ABCG1: variants seen among roughly 807,000 people sequenced by gnomAD.
ABCG1 encodes ATP-binding cassette sub-family G member 1.
In ABCG1, 29 loss-of-function variants were observed where a neutral mutation model predicts 69.2. That is an observed-to-expected ratio of 0.42 (90% CI 0.31 to 0.57). The LOEUF (loss-of-function observed/expected upper bound fraction) is 0.57, where lower values mean the gene tolerates loss of function less well. Among genes scored for constraint, ABCG1 ranks in the 20% least tolerant of loss-of-function variants. ABCG1 has a pLI of 0.15. For missense variants in ABCG1, 718 were observed against 898.1 expected (o/e 0.80, Z 2.56); for synonymous variants, 370 against 374.8 (o/e 0.99, Z 0.15).
intron 1 of ABCG1, 65 bp from the exon 2 acceptor site, chr21:42,225,606 C>A: frequency 6.3e-7 from 1 of 1,577,434 alleles, no homozygotes; most frequent in Non-Finnish European, 8.6e-7. Context: ...CATGGTGAAT[C>A]TCTTCATGTT....
rs2069071425 is a variant in ABCG1 at position 42,291,982 on chromosome 21, A to G, written c.1653+326A>G. Among the ~76,000 whole-genome samples the G allele has an allele frequency of 6.6e-6, 1 of 152,148 alleles. No homozygotes were observed. Among genetic ancestry groups the G allele is most frequent in the Admixed American group, 6.5e-5 (1 of 15,288 alleles). ...TTTACATAGGGGAGCACTGAGGCCC[A>G]GAGAGGCAAAGTGATTTGTCAGGGG... On this transcript the variant is annotated intron_variant, in intron 13 of 14. Coordinates refer to ENST00000398449, the MANE Select transcript of ABCG1 (RefSeq NM_016818.3). This position sits in a 1 kb window ranked among gnomAD's most constrained non-coding sequence, Gnocchi z 6.4.
Position 42,290,161 on chromosome 21 carries a change from CTCT to C in ABCG1, c.1343_1345del (p.Phe448del), listed in dbSNP as rs2069028874. On this transcript the variant is annotated inframe_deletion, in exon 11 of 15. Coordinates refer to ENST00000398449, the MANE Select transcript of ABCG1 (RefSeq NM_016818.3). ...GAAGGTCTTGAGCAACTCCGGCTTC[CTCT>C]TCTTCTCCATGCTGTTCCTCATGTT... 17 of 1,614,182 alleles carry C rather than the reference CTCT, an allele frequency of 1.1e-5. No individual in the cohort carries two copies. The highest frequency in any genetic ancestry group is 1.4e-5 in the Non-Finnish European group (17 of 1,180,044).
intron 13 of ABCG1, among the ~76,000 whole-genome samples, chr21:42,293,023 C>CCACACTA (rs761130567): frequency 7.6e-6 from 1 of 131,938 alleles, no homozygotes; most frequent in Non-Finnish European, 1.6e-5. Flanking sequence ...TACACACACA[C>CCACACTA]CACACTACAC....
In ABCG1 at chr21:42,276,002, C is replaced by G. The variant is rs1011819425; in HGVS notation, c.538-893C>G. Reference sequence around the variant, plus strand: ...ACCTCTTTGCCCCACACCCCGCCCCCCTCCCCGCCACCGCCCTGCATCTCA... The same window carrying G: ...ACCTCTTTGCCCCACACCCCGCCCCGCTCCCCGCCACCGCCCTGCATCTCA... On this transcript the variant is annotated intron_variant, in intron 4 of 14. Transcript: ENST00000398449. This position sits in a 1 kb window ranked among gnomAD's most constrained non-coding sequence, Gnocchi z 5.3. 6.9e-6 allele frequency among the ~76,000 whole-genome samples: 1 copy of G among 144,642 alleles called. No individual in the cohort carries two copies. Among genetic ancestry groups the G allele is most frequent in the African/African-American group, 2.5e-5 (1 of 39,908 alleles). 94.9% of individuals were successfully genotyped at this position (144,642 alleles called of 152,430 possible). A position where few individuals can be genotyped will look rare whatever the true frequency, so the allele number is the denominator to read the frequency against.
chr21:42,275,730 G>A (rs760211190), intron 4 of ABCG1, among the ~76,000 whole-genome samples: 2 of 152,292 alleles, frequency 1.3e-5, no homozygotes, highest in Admixed American at 6.5e-5. Context: ...AATTCAGTTC[G>A]ATTTTGATTC....
intron 13 of ABCG1, 71 bp from the exon 14 acceptor site, chr21:42,294,471 G>A: frequency 4.0e-6 from 5 of 1,251,118 alleles, no homozygotes; most frequent in Non-Finnish European, 5.9e-6. Flanking sequence ...AAGCTGGCGT[G>A]GGCGAGCCTC....
intron 13 of ABCG1, among the ~76,000 whole-genome samples, chr21:42,294,290 T>A (rs2069159996): frequency 1.3e-5 from 2 of 152,178 alleles, no homozygotes; most frequent in African/African-American, 4.8e-5. Context: ...GGACATCCAC[T>A]GGGTCCCAGC....
upstream of ABCG1, among the ~76,000 whole-genome samples, chr21:42,214,809 C>T (rs1279351145): frequency 6.6e-6 from 1 of 152,236 alleles, no homozygotes; most frequent in Non-Finnish European, 1.5e-5. Flanking sequence ...CCCCATTCTC[C>T]TACCCAGTTT....
chr21:42,272,446 G>C (rs560982601), intron 3 of ABCG1, among the ~76,000 whole-genome samples: 4 of 152,250 alleles, frequency 2.6e-5, no homozygotes, highest in Non-Finnish European at 5.9e-5. Context: ...AGACCCGGCC[G>C]CAGGCCCACA....
intron 2 of ABCG1, among the ~76,000 whole-genome samples, chr21:42,255,916 C>A (rs768102882): frequency 2.6e-5 from 4 of 152,134 alleles, no homozygotes; most frequent in Non-Finnish European, 4.4e-5. Flanking sequence ...ATAGTGTAGT[C>A]TTTGGGAACT....
In ABCG1 at chr21:42,253,896, T is replaced by G. The variant is rs149314854; in HGVS notation, c.287-17174T>G. 1.6e-3 allele frequency among the ~76,000 whole-genome samples: 251 copies of G among 152,312 alleles called. 1 individual carries two copies. Among genetic ancestry groups the G allele is most frequent in the African/African-American group, 5.9e-3 (244 of 41,552 alleles). On this transcript the variant is annotated intron_variant, in intron 2 of 14. Coordinates refer to ENST00000398449, the MANE Select transcript of ABCG1 (RefSeq NM_016818.3). ...TGGTGATATTTATTGATGTAACTAC[T>G]CCCTTTGCACGATATTTATTGATGT...
At chr21:42,209,317 C>A in intron 2 of ABCG1, among the ~76,000 whole-genome samples, 1 of 152,178 alleles carries the variant, frequency 6.6e-6, no homozygotes, top group East Asian at 1.9e-4. Context: ...TGCCCTCCTA[C>A]CCCACAGGGC....
At chr21:42,227,383 C>T (rs370265940) in intron 2 of ABCG1, among the ~76,000 whole-genome samples, 6 of 152,322 alleles carry the variant, frequency 3.9e-5, no homozygotes, top group East Asian at 1.9e-4. Flanking sequence ...CAGGACACCG[C>T]GTCATGTTTT....
At chr21:42,227,051 C>A (rs992237364) in intron 2 of ABCG1, among the ~76,000 whole-genome samples, 1 of 152,180 alleles carries the variant, frequency 6.6e-6, no homozygotes, top group Non-Finnish European at 1.5e-5. Context: ...TGGGCAGTCC[C>A]ATCTTCATTG....
intron 2 of ABCG1, among the ~76,000 whole-genome samples, chr21:42,261,544 C>A (rs565510108): frequency 7.9e-5 from 12 of 152,302 alleles, no homozygotes; most frequent in African/African-American, 2.2e-4. Context: ...CAGCTCCCCA[C>A]CCCCTCTCTC....
At position 42,265,756 on chromosome 21, in the gene ABCG1, C is replaced by T. The variant is rs565588331; in HGVS notation, c.287-5314C>T. On this transcript the variant is annotated intron_variant, in intron 2 of 14. Coordinates refer to ENST00000398449, the MANE Select transcript of ABCG1 (RefSeq NM_016818.3). ...GATGTGCACCTCTGGTCCACTACAC[C>T]GGACTGCGAGCTGGCTCAGGACCGC... 6.8e-4 allele frequency among the ~76,000 whole-genome samples: 104 copies of T among 152,306 alleles called. 1 individual carries two copies. The highest frequency in any genetic ancestry group is 1.2e-3 in the Non-Finnish European group (81 of 68,022).
intron 13 of ABCG1, among the ~76,000 whole-genome samples, chr21:42,293,214 CACACACT>C (rs1269250482): frequency 4.6e-5 from 6 of 131,746 alleles, no homozygotes; most frequent in Admixed American, 7.1e-5. Context: ...ACACTGCATA[CACACACT>C]ACACACTACA....
intron 2 of ABCG1, among the ~76,000 whole-genome samples, chr21:42,228,092 C>T (rs1344972712): frequency 6.6e-6 from 1 of 152,238 alleles, no homozygotes; most frequent in Admixed American, 6.5e-5. Flanking sequence ...AAACTGATCA[C>T]ATGAATCATC....
At chr21:42,289,409 C>G (rs907604360) in intron 10 of ABCG1, among the ~76,000 whole-genome samples, 1 of 152,192 alleles carries the variant, frequency 6.6e-6, no homozygotes, top group African/African-American at 2.4e-5. Flanking sequence ...TGCCATTGGC[C>G]TAAACAAGTC....
Sources: gnomAD v4.1 joint callset for allele counts (sites outside exome capture counted in the v4.1 genomes callset) on GRCh38, gnomAD v4.1.1 for gene constraint, Gnocchi (gnomAD v3.1) non-coding constraint, MANE v1.5 for transcripts, NCBI Gene and HGNC (gene_info 2026-07-23, HGNC 2026-07-21) for gene names.